Variants in FGD5 observed in about 807,000 individuals in gnomAD.
FGD5 encodes FYVE, RhoGEF and PH domain-containing protein 5.
A neutral mutation model predicts 133.4 loss-of-function variants in FGD5; 28 were observed. The observed-to-expected ratio is 0.21, with a 90% CI of 0.16 to 0.29. The LOEUF (loss-of-function observed/expected upper bound fraction) is 0.29, where lower values mean the gene tolerates loss of function less well. Among genes scored for constraint, FGD5 ranks in the 10% least tolerant of loss-of-function variants. The pLI, the probability that FGD5 is intolerant of heterozygous loss-of-function variation, is 1.00. For synonymous variants in FGD5, 810 were observed against 776.5 expected, an observed-to-expected ratio of 1.04 and a Z score of -0.72; for missense variants, 1,858 against 1,895.2, an observed-to-expected ratio of 0.98 and a Z score of 0.36.
At chr3:14,838,117 C>T (rs547492595) in intron 1 of FGD5, among the ~76,000 whole-genome samples, 1 of 152,276 alleles carries the variant, frequency 6.6e-6, no homozygotes, top group African/African-American at 2.4e-5. Flanking sequence ...CACTAGCTGA[C>T]GTCCACTCCT....
intron 10 of FGD5, among the ~76,000 whole-genome samples, chr3:14,909,529 A>G (rs879057115): frequency 3.3e-5 from 5 of 152,234 alleles, no homozygotes; most frequent in Admixed American, 3.3e-4. Context: ...CTGAAATACC[A>G]TGACAGATAA....
At chr3:14,924,271 A>C in intron 17 of FGD5, 133 bp downstream of exon 17, 1 of 1,374,360 alleles carries the variant, frequency 7.3e-7, no homozygotes, top group Non-Finnish European at 1.0e-6. Flanking sequence ...TCCTAATGGA[A>C]GCATCCCAGC....
chr3:14,876,524 A>C (rs1406656006), intron 2 of FGD5, among the ~76,000 whole-genome samples: 1 of 151,802 alleles, frequency 6.6e-6, no homozygotes, highest in East Asian at 1.9e-4. Context: ...TATGCAAAAA[A>C]TAAATAAATA....
intron 1 of FGD5, among the ~76,000 whole-genome samples, chr3:14,813,686 C>T (rs1027558863): frequency 2.0e-5 from 3 of 151,938 alleles, no homozygotes; most frequent in Non-Finnish European, 2.9e-5. Flanking sequence ...ATGGGGAAGC[C>T]GAGGCCCGAA....
At chr3:14,891,772 G>A (rs1431272555) in intron 4 of FGD5, among the ~76,000 whole-genome samples, 3 of 152,208 alleles carry the variant, frequency 2.0e-5, no homozygotes, top group East Asian at 1.9e-4. Context: ...GTCTGATGGC[G>A]CAGGCACACG....
At position 14,898,785 on chromosome 3, in the gene FGD5, G is replaced by T; in HGVS notation, c.3113G>T (p.Arg1038Leu). ...GSQTAKHRLL[R>L]VVQRLFQYQV... ...CAGACTGCGAAGCATCGGCTGCTGCGGGTGGTTCAACGCCTCTTCCAGTAC... is the reference window on the plus strand; with the variant it reads ...CAGACTGCGAAGCATCGGCTGCTGCTGGTGGTTCAACGCCTCTTCCAGTAC... The change falls in exon 7 of 20, where the codon CGG becomes CTG. Residue 1038 changes from arginine (R) to leucine (L), a missense_variant. Arg to Leu is a moderately radical substitution (Grantham distance 102). Around this residue, in one of 3 missense-constraint regions of FGD5, gnomAD observed 1,824 missense variants for 1,848.9 expected, o/e 0.99. Transcript: ENST00000285046. 1 of 1,585,292 alleles carries T rather than the reference G, an allele frequency of 6.3e-7. No homozygotes were observed.
chr3:14,931,481 G>A (rs534491882), intron 18 of FGD5: 2 of 152,224 alleles, frequency 1.3e-5, no homozygotes, highest in South Asian at 2.1e-4. Flanking sequence ...ATGCCACTGT[G>A]CCCAGCTTGA....
intron 1 of FGD5, among the ~76,000 whole-genome samples, chr3:14,854,068 G>A (rs943798515): frequency 6.6e-6 from 1 of 151,780 alleles, no homozygotes; most frequent in African/African-American, 2.4e-5. Flanking sequence ...TTTCACCATC[G>A]TGTTCTTATT....
chr3:14,853,690 C>T (rs1415361745), intron 1 of FGD5, among the ~76,000 whole-genome samples: 6 of 108,104 alleles, frequency 5.6e-5, no homozygotes, highest in Non-Finnish European at 8.5e-5. Context: ...GCCCTTTTGG[C>T]TGTGCTCAGA....
At position 14,884,187 on chromosome 3, in the gene FGD5, CCTT is replaced by C. The variant is rs555624613; in HGVS notation, c.2748+3418_2748+3420del. Among the ~76,000 whole-genome samples, 44 of 152,312 alleles carry C rather than the reference CCTT, an allele frequency of 2.9e-4. No individual in the cohort carries two copies. In the East Asian group the frequency reaches 7.7e-3, roughly 27 times the overall value. ...TTTGAACAGGTGTGGCACCTGGACA[CCTT>C]CTATCCTCTGTTTTTTCATCTAAAA... On this transcript the variant is annotated intron_variant, in intron 4 of 19. Coordinates refer to ENST00000285046, the MANE Select transcript of FGD5 (RefSeq NM_152536.4).
chr3:14,839,577 G>A (rs981967218), intron 1 of FGD5, among the ~76,000 whole-genome samples: 1 of 152,198 alleles, frequency 6.6e-6, no homozygotes, highest in Non-Finnish European at 1.5e-5. Context: ...GAGGGGAATG[G>A]TGCTGCTAGG....
upstream of FGD5, among the ~76,000 whole-genome samples, chr3:14,814,197 C>T (rs2036336347): frequency 6.6e-6 from 1 of 152,132 alleles, no homozygotes; most frequent in Non-Finnish European, 1.5e-5. Context: ...CCAGAAGGTC[C>T]ACCAGCTACA....
chr3:14,881,472 C>T (rs764827295), intron 4 of FGD5, among the ~76,000 whole-genome samples: 19 of 152,180 alleles, frequency 1.2e-4, no homozygotes, highest in Non-Finnish European at 2.2e-4. Context: ...GCAAAGGGGA[C>T]GGATGAGGGG....
intron 1 of FGD5, 148 bp from the exon 2 acceptor site, chr3:14,863,980 T>C: frequency 8.8e-7 from 1 of 1,137,970 alleles, no homozygotes; most frequent in Non-Finnish European, 1.2e-6. Context: ...TGGAAGCCAG[T>C]GTGGCTGGGG....
In FGD5 at chr3:14,821,039, C is replaced by A; in HGVS notation, c.1968C>A (p.Phe656Leu). ...YKKKKSSFKR[F>L]LALTFKKKTE... ...AGAAGAAGTCATCCTTTAAGCGCTT[C>A]CTGGCACTGACGTTTAAGAAGAAGA... Residue 656 changes from phenylalanine (F) to leucine (L), a missense_variant, in exon 1 of 20, where the codon TTC (phenylalanine) becomes TTA (leucine). By Grantham distance (22) the Phe-to-Leu change is conservative. This residue lies in a region of FGD5 where 1,824 missense variants were observed against 1,848.9 expected (regional missense o/e 0.99). Coordinates refer to ENST00000285046, the MANE Select transcript of FGD5 (RefSeq NM_152536.4). 1 of 1,613,944 alleles carries A rather than the reference C, an allele frequency of 6.2e-7. No homozygotes were observed. The highest frequency in any genetic ancestry group is 8.5e-7 in the Non-Finnish European group (1 of 1,179,886).
chr3:14,934,479 C>T lies in FGD5; in HGVS notation c.*1312C>T, dbSNP rs966212952. The T allele has an allele frequency of 2.0e-5, 3 of 152,208 alleles. No individual in the cohort carries two copies. The highest frequency in any genetic ancestry group is 4.4e-5 in the Non-Finnish European group (3 of 68,032). 9.4% of individuals were successfully genotyped at this position (152,208 alleles called of 1,614,324 possible). On this transcript the variant is annotated 3_prime_UTR_variant, in exon 20 of 20. Coordinates refer to ENST00000285046, the MANE Select transcript of FGD5 (RefSeq NM_152536.4). ...GTAAAAAGCACCATCTCTGGACTTA[C>T]TTGCATTAAATATTTTCAGGGGAAT...
In FGD5 at chr3:14,900,392, C is replaced by A. The variant is rs1357785947; in HGVS notation, c.3155-11C>A. ...CCAGTAGCTGACTCCTGGTTCTTATCCTGCCAACAGACTATTTAAACAACC... is the reference window on the plus strand; with the variant it reads ...CCAGTAGCTGACTCCTGGTTCTTATACTGCCAACAGACTATTTAAACAACC... On this transcript the variant is annotated splice_polypyrimidine_tract_variant and intron_variant, in intron 7 of 19. Transcript: ENST00000285046. The A allele has an allele frequency of 1.2e-6, 2 of 1,612,854 alleles. No individual in the cohort carries two copies. The highest frequency in any genetic ancestry group is 3.3e-5 in the Admixed American group (2 of 59,870).
intron 2 of FGD5, among the ~76,000 whole-genome samples, chr3:14,877,206 GC>G (rs2037736426): frequency 6.6e-6 from 1 of 152,248 alleles, no homozygotes. Context: ...GCCCAGTTGG[GC>G]AACGCCCAGA....
chr3:14,880,820 T>A, intron 4 of FGD5, 48 bp downstream of exon 4: 1 of 1,600,962 alleles, frequency 6.2e-7, no homozygotes, highest in South Asian at 1.1e-5. Context: ...CTTTTACAAG[T>A]CTGTGATATA....
Sources: allele counts gnomAD v4.1 joint callset (sites outside exome capture counted in the v4.1 genomes callset), GRCh38; gene constraint gnomAD v4.1.1; regional missense constraint gnomAD v4.1.1; transcripts MANE v1.5; gene names NCBI Gene and HGNC (gene_info 2026-07-23, HGNC 2026-07-21).